CLCN7: variants seen among roughly 807,000 people sequenced by gnomAD.
The protein encoded by CLCN7 is Cl-/H+ antiporter 7.
In CLCN7, 60 loss-of-function variants were observed where a neutral mutation model predicts 102.1. The observed-to-expected ratio is 0.59, with a 90% CI of 0.48 to 0.73. CLCN7 has a LOEUF of 0.73. Among genes scored for constraint, CLCN7 ranks in the 30% least tolerant of loss-of-function variants. CLCN7 has a pLI of 0.00. For missense variants in CLCN7, 962 were observed against 1,125.7 expected (o/e 0.85, Z 2.08); for synonymous variants, 560 against 490.5 (o/e 1.14, Z -1.87).
In CLCN7 at chr16:1,457,413, A is replaced by G. The variant is rs2038851598; in HGVS notation, c.739-76T>C. ...CTGGAGACCAGAAGGACCGATGCTC[A>G]GAGACACGCGTGACGCGGCCCTTCC... On this transcript the variant is annotated intron_variant, in intron 8 of 24. Coordinates refer to ENST00000382745, the MANE Select transcript of CLCN7 (RefSeq NM_001287.6). The surrounding 1 kb of genome is among the most constrained non-coding windows in gnomAD (Gnocchi z 5.4). The G allele has an allele frequency of 7.2e-7, 1 of 1,380,542 alleles. No individual in the cohort carries two copies. The highest frequency in any genetic ancestry group is 1.0e-6 in the Non-Finnish European group (1 of 983,500). 85.5% of individuals were successfully genotyped at this position (1,380,542 alleles called of 1,614,324 possible). A position where few individuals can be genotyped will look rare whatever the true frequency, so the allele number is the denominator to read the frequency against.
At chr16:1,474,274 T>C (rs775236033) in intron 1 of CLCN7, 13 of 449,894 alleles carry the variant, frequency 2.9e-5, no homozygotes, top group Admixed American at 4.8e-5. Flanking sequence ...GGAGACTGAG[T>C]ACAAATACTC....
At chr16:1,448,219 G>A in intron 21 of CLCN7, 136 bp downstream of exon 21, 1 of 1,212,938 alleles carries the variant, frequency 8.2e-7, no homozygotes, top group Admixed American at 2.0e-5. Flanking sequence ...TGCACACTCA[G>A]CTTCCGGCAC....
At chr16:1,451,360 C>T (rs956795099) in intron 16 of CLCN7, among the ~76,000 whole-genome samples, 2 of 152,202 alleles carry the variant, frequency 1.3e-5, no homozygotes, top group African/African-American at 2.4e-5. Context: ...GGTGTACTAC[C>T]GTAGCCAGAT....
intron 1 of CLCN7, among the ~76,000 whole-genome samples, chr16:1,471,414 C>T (rs533106300): frequency 2.0e-5 from 3 of 152,156 alleles, no homozygotes; most frequent in African/African-American, 7.2e-5. Context: ...AGGCCTTGAA[C>T]CCAAGGGCAG....
In CLCN7 at chr16:1,459,140, G is replaced by A. The variant is rs751355897; in HGVS notation, c.642C>T (p.Asn214=). The change falls in exon 7 of 25, where the codon AAC becomes AAT. Residue 214 remains asparagine, a synonymous_variant. Transcript: ENST00000382745. ...GCACCACGTGGGGGATCTTCACCCC[G>A]TTGAGGAAGCACTTGATCTGGGGGA... is the stretch of plus-strand genomic sequence containing the variant. ...SGIPQIKCFL[N]GVKIPHVVRL... is the part of the protein sequence containing the mutation. 66 of 1,613,062 alleles carry A rather than the reference G, an allele frequency of 4.1e-5. No homozygotes were observed. The highest frequency in any genetic ancestry group is 1.1e-4 in the East Asian group (5 of 44,892).
chr16:1,448,167 G>A, intron 21 of CLCN7, 188 bp downstream of exon 21: 3 of 800,894 alleles, frequency 3.7e-6, no homozygotes, highest in East Asian at 5.6e-5. Flanking sequence ...CCAGGCCGCA[G>A]CCCCCCCCAC....
chr16:1,462,955 G>A (rs979142622), intron 2 of CLCN7, among the ~76,000 whole-genome samples: 1 of 151,958 alleles, frequency 6.6e-6, no homozygotes, highest in African/African-American at 2.4e-5. Flanking sequence ...GAGGCCAGGA[G>A]TTTGTGATCA....
intron 2 of CLCN7, among the ~76,000 whole-genome samples, chr16:1,462,681 A>AAC (rs1567273419): frequency 4.0e-4 from 52 of 131,438 alleles, no homozygotes; most frequent in South Asian, 1.0e-3. Flanking sequence ...AAAAAAAAAA[A>AAC]AAAAAACCAG....
intron 15 of CLCN7, chr16:1,451,936 G>C (rs1162709205): frequency 5.3e-6 from 3 of 566,896 alleles, no homozygotes; most frequent in Non-Finnish European, 9.8e-6. Context: ...GGACACACAC[G>C]GCCTAGGCCC....
intron 1 of CLCN7, among the ~76,000 whole-genome samples, chr16:1,470,769 C>A (rs78880022): frequency 6.6e-6 from 1 of 152,210 alleles, no homozygotes; most frequent in Non-Finnish European, 1.5e-5. Context: ...AGCCTTGCTG[C>A]GCCCACAGTT....
In CLCN7 at chr16:1,455,232, AG is replaced by A. The variant is rs2038816244; in HGVS notation, c.999del (p.Ser334ProfsTer5). 6.2e-7 allele frequency: 1 copy of A among 1,612,080 alleles called. No individual in the cohort carries two copies. Among genetic ancestry groups the A allele is most frequent in the Non-Finnish European group, 8.5e-7 (1 of 1,178,470 alleles). ...LTWRIFFASMISTFTLNFVLS... is the reference protein window; with the variant it reads ...LTWRIFFASMXSTFTLNFVLS... ...AGAACAAAATTCAGGGTGAACGTGGAGATCATGGAAGCAAAGAACTGCGGCA... is the reference window on the plus strand; with the variant it reads ...AGAACAAAATTCAGGGTGAACGTGGAATCATGGAAGCAAAGAACTGCGGCA... On this transcript the variant is annotated frameshift_variant, in exon 12 of 25. Coordinates refer to ENST00000382745, the MANE Select transcript of CLCN7 (RefSeq NM_001287.6). LOFTEE classifies it high-confidence loss of function.
chr16:1,471,510 C>G (rs891777958), intron 1 of CLCN7: 1 of 152,246 alleles, frequency 6.6e-6, no homozygotes, highest in Non-Finnish European at 1.5e-5. Flanking sequence ...GACCCTCCCC[C>G]AGAAAAGCAG....
intron 1 of CLCN7, among the ~76,000 whole-genome samples, chr16:1,468,253 C>T (rs976544838): frequency 6.6e-6 from 1 of 152,178 alleles, no homozygotes; most frequent in African/African-American, 2.4e-5. Context: ...GCTGCCGGTG[C>T]AGTATGTGAC....
intron 16 of CLCN7, among the ~76,000 whole-genome samples, chr16:1,451,081 G>A (rs1261240030): frequency 1.3e-5 from 2 of 152,262 alleles, no homozygotes; most frequent in African/African-American, 4.8e-5. Context: ...CAGGGCGGGT[G>A]AGACCGCCAG....
At chr16:1,451,832 C>T (rs1041402184) in intron 15 of CLCN7, 116 bp from the exon 16 acceptor site, 13 of 784,006 alleles carry the variant, frequency 1.7e-5, no homozygotes, top group African/African-American at 5.1e-5. Context: ...GCATCAGGCG[C>T]GAAACCACAC....
At position 1,446,462 on chromosome 16, in the gene CLCN7, CCCGCGAGAGGGTCAGTT is replaced by C; in HGVS notation, c.*152_*168del. 2 of 717,600 alleles carry C rather than the reference CCCGCGAGAGGGTCAGTT, an allele frequency of 2.8e-6. No individual in the cohort carries two copies. 44.5% of individuals were successfully genotyped at this position (717,600 alleles called of 1,614,324 possible). A position where few individuals can be genotyped will look rare whatever the true frequency, so the allele number is the denominator to read the frequency against. ...GACCACTGCCCACAACAGGGTCAGT[CCCGCGAGAGGGTCAGTT>C]CCGCGCCTGCCGCCTGCCCGCCCAG... On this transcript the variant is annotated 3_prime_UTR_variant, in exon 25 of 25. Transcript: ENST00000382745.
chr16:1,446,822 G>C (rs966935841), intron 24 of CLCN7, 105 bp from the exon 25 acceptor site: 7 of 1,203,182 alleles, frequency 5.8e-6, no homozygotes, highest in Non-Finnish European at 8.4e-6. Flanking sequence ...GGGGGCCCTG[G>C]GGGCTTCAGC....
At chr16:1,458,555 C>T (rs776610515) in intron 7 of CLCN7, among the ~76,000 whole-genome samples, 4 of 152,120 alleles carry the variant, frequency 2.6e-5, no homozygotes, top group Non-Finnish European at 5.9e-5. Context: ...GGGGACCAGG[C>T]CCCGGAAGCA....
Position 1,461,675 on chromosome 16 carries a change from C to T in CLCN7, c.214-1G>A. 6.2e-7 allele frequency: 1 copy of T among 1,613,848 alleles called. No homozygotes were observed. The highest frequency in any genetic ancestry group is 1.1e-5 in the South Asian group (1 of 91,032). ...GGAAGGGATGTGGAGGGTCCATATC[C>T]TGTGGCAGAAAAAGGCAAAGAGAGA... On this transcript the variant is annotated splice_acceptor_variant, in intron 2 of 24. Coordinates refer to ENST00000382745, the MANE Select transcript of CLCN7 (RefSeq NM_001287.6). LOFTEE classifies it high-confidence loss of function.
Sources: gnomAD v4.1 joint callset for allele counts (sites outside exome capture counted in the v4.1 genomes callset) on GRCh38, gnomAD v4.1.1 for gene constraint, Gnocchi (gnomAD v3.1) non-coding constraint, MANE v1.5 for transcripts, NCBI Gene and HGNC (gene_info 2026-07-23, HGNC 2026-07-21) for gene names.